Variants in CCNJ observed in about 807,000 individuals in gnomAD.
CCNJ encodes cyclin J.
CCNJ carries 12 observed loss-of-function variants against 41.4 expected under a neutral mutation model. The ratio of observed to expected loss-of-function variants is 0.29; its 90% CI spans 0.19 to 0.47. The LOEUF (loss-of-function observed/expected upper bound fraction) is 0.47, where lower values mean the gene tolerates loss of function less well. CCNJ is among the 20% of genes least tolerant of loss of function. The pLI is 1.00. For synonymous variants in CCNJ, 161 were observed against 173.4 expected (o/e 0.93, Z 0.56); for missense variants, 340 against 464.6 (o/e 0.73, Z 2.47).
At position 96,058,085 on chromosome 10, in the gene CCNJ, C is replaced by G. The variant is rs776649175; in HGVS notation, c.996C>G (p.Phe332Leu). ...CACTACAGACATGTCCTGCTGGCTT[C>G]CAAACTAGTGTTCAGGGCCTTGGGC... ...SYTLQTCPAG[F>L]QTSVQGLGHM... The change falls in exon 6 of 6, where the codon TTC becomes TTG. Residue 332 changes from phenylalanine (F) to leucine (L), a missense_variant. Around this residue, in one of 3 missense-constraint regions of CCNJ, gnomAD observed 159 missense variants for 168.2 expected, o/e 0.95. Coordinates refer to ENST00000465148, the MANE Select transcript of CCNJ (RefSeq NM_001134375.2). The G allele has an allele frequency of 7.4e-5, 119 of 1,614,070 alleles. No homozygotes were observed. The highest frequency in any genetic ancestry group is 9.9e-5 in the Non-Finnish European group (117 of 1,180,050).
Position 96,050,298 on chromosome 10 carries a change from A to C in CCNJ, c.112A>C (p.Ser38Arg), listed in dbSNP as rs2080486978. ...CTATAAAGGCCAGTCCCCTCAGTTA[A>C]GTCTCAGACGGTATTTTGCTGACTT... ...PSYKGQSPQL[S>R]LRRYFADLIA... The change falls in exon 3 of 6, where the codon AGT becomes CGT. Residue 38 changes from serine to arginine, a missense_variant. This residue lies in a region of CCNJ where 44 missense variants were observed against 43.6 expected (regional missense o/e 1.01). Coordinates refer to ENST00000465148, the MANE Select transcript of CCNJ (RefSeq NM_001134375.2). The C allele has an allele frequency of 5.6e-6, 9 of 1,614,110 alleles. No homozygotes were observed. In the East Asian group the frequency reaches 2.0e-4, roughly 36 times the overall value.
At chr10:96,048,550 C>G (rs1201691563) in intron 2 of CCNJ, among the ~76,000 whole-genome samples, 1 of 152,130 alleles carries the variant, frequency 6.6e-6, no homozygotes, top group Non-Finnish European at 1.5e-5. Flanking sequence ...AGAACTTTTT[C>G]ATCTTCCCAA....
Position 96,059,536 on chromosome 10 carries a change from AG to A in CCNJ, c.*1296del, listed in dbSNP as rs1221001730. On this transcript the variant is annotated 3_prime_UTR_variant, in exon 6 of 6. Transcript: ENST00000465148. ...GCATTTTGGAGGAATAACCTTAAAA[AG>A]TTAAAAAGTCATTGTAATAACTGAT... The A allele has an allele frequency of 2.0e-5, 3 of 152,476 alleles. No individual in the cohort carries two copies. Among genetic ancestry groups the A allele is most frequent in the African/African-American group, 7.2e-5 (3 of 41,590 alleles). The allele number at this position is 152,476 out of a possible 1,614,324, so 9.4% of individuals were successfully genotyped here.
chr10:96,054,632 T>C (rs1216167434), intron 3 of CCNJ, among the ~76,000 whole-genome samples: 1 of 152,154 alleles, frequency 6.6e-6, no homozygotes, highest in African/African-American at 2.4e-5. Flanking sequence ...AAGTGCAAAT[T>C]TGGGAATTCA....
chr10:96,060,863 C>T lies in CCNJ; in HGVS notation c.*2622C>T, dbSNP rs977981636. On this transcript the variant is annotated 3_prime_UTR_variant, in exon 6 of 6. Coordinates refer to ENST00000465148, the MANE Select transcript of CCNJ (RefSeq NM_001134375.2). ...TTAATTTTAAAATAAAACTAGTTTT[C>T]AGTAAAATGGCTTCGGTATTTTTGT... 3.3e-5 allele frequency: 5 copies of T among 152,556 alleles called. No homozygotes were observed. Among genetic ancestry groups the T allele is most frequent in the Non-Finnish European group, 7.4e-5 (5 of 68,002 alleles). The allele number at this position is 152,556 out of a possible 1,614,324, so 9.5% of individuals were successfully genotyped here. A position where few individuals can be genotyped will look rare whatever the true frequency, so the allele number is the denominator to read the frequency against.
intron 3 of CCNJ, among the ~76,000 whole-genome samples, chr10:96,056,170 G>T (rs936259117): frequency 2.0e-5 from 3 of 151,998 alleles, no homozygotes; most frequent in African/African-American, 7.2e-5. Flanking sequence ...TTAGCCAGGC[G>T]TGGTGGCGGG....
chr10:96,048,180 A>G (rs750583618), intron 2 of CCNJ, among the ~76,000 whole-genome samples: 32 of 152,282 alleles, frequency 2.1e-4, no homozygotes, highest in African/African-American at 6.0e-4. Context: ...TATCCAGTCT[A>G]TCATTGATGG....
At chr10:96,046,523 C>G (rs1040275064) in intron 2 of CCNJ, among the ~76,000 whole-genome samples, 1 of 152,186 alleles carries the variant, frequency 6.6e-6, no homozygotes, top group Non-Finnish European at 1.5e-5. Flanking sequence ...TACATGATAT[C>G]ATGCCAGGTG....
At position 96,043,589 on chromosome 10, in the gene CCNJ, G is replaced by T; in HGVS notation, c.-172G>T. On this transcript the variant is annotated 5_prime_UTR_variant, in exon 1 of 6. It removes an upstream start codon present in the reference 5' UTR. Transcript: ENST00000465148. The stretch of plus-strand genomic sequence containing the variant: ...AGCCGCCTGCCGGTCCTTTAACAAT[G>T]GGCGGCGCGAGCGTCCAGGCGCTGG... 1 of 395,266 alleles carries T rather than the reference G, an allele frequency of 2.5e-6. No homozygotes were observed. The highest frequency in any genetic ancestry group is 1.3e-4 in the South Asian group (1 of 7,826). 24.5% of individuals were successfully genotyped at this position (395,266 alleles called of 1,614,324 possible). A position where few individuals can be genotyped will look rare whatever the true frequency, so the allele number is the denominator to read the frequency against.
At chr10:96,054,848 T>G (rs1482941360) in intron 3 of CCNJ, among the ~76,000 whole-genome samples, 2 of 152,212 alleles carry the variant, frequency 1.3e-5, no homozygotes, top group African/African-American at 2.4e-5. Context: ...CAAAGGAACT[T>G]TAAGCATAAT....
chr10:96,056,916 G>GA lies in CCNJ; in HGVS notation c.497dup (p.Asp166GlufsTer12). On this transcript the variant is annotated frameshift_variant, in exon 4 of 6. Coordinates refer to ENST00000465148, the MANE Select transcript of CCNJ (RefSeq NM_001134375.2). LOFTEE classifies it high-confidence loss of function. ...AGCAGTACACGAAACAGATCTTCAT[G>GA]ACGGCTGGCCAATGATTTGCTTGGA... 6.2e-7 allele frequency: 1 copy of GA among 1,614,178 alleles called. No homozygotes were observed. Among genetic ancestry groups the GA allele is most frequent in the Non-Finnish European group, 8.5e-7 (1 of 1,180,008 alleles).
At position 96,046,909 on chromosome 10, in the gene CCNJ, T is replaced by TA. The variant is rs1387897639; in HGVS notation, c.69+2448dup. Among the ~76,000 whole-genome samples, 5 of 152,220 alleles carry TA rather than the reference T, an allele frequency of 3.3e-5. No homozygotes were observed. In the East Asian group the frequency reaches 7.7e-4, roughly 23 times the overall value. On this transcript the variant is annotated intron_variant, in intron 2 of 5. Coordinates refer to ENST00000465148, the MANE Select transcript of CCNJ (RefSeq NM_001134375.2). ...CCTTAATGACAAATGGGAACAATTC[T>TA]AGCTTTGTGAGAAACATTAAGAAAG...
chr10:96,050,567 T>A (rs1054405094), intron 3 of CCNJ, 101 bp downstream of exon 3: 2 of 813,978 alleles, frequency 2.5e-6, no homozygotes, highest in African/African-American at 3.5e-5. Flanking sequence ...TCCCATTCAT[T>A]CCAGTTCACT....
intron 3 of CCNJ, 77 bp downstream of exon 3, chr10:96,050,543 G>A: frequency 9.4e-7 from 1 of 1,062,502 alleles, no homozygotes; most frequent in Admixed American, 1.9e-5. Context: ...AGAACTCAGT[G>A]AAATATCATC....
chr10:96,050,013 A>G (rs2080478881), intron 2 of CCNJ, among the ~76,000 whole-genome samples: 1 of 152,198 alleles, frequency 6.6e-6, no homozygotes, highest in Admixed American at 6.5e-5. Context: ...CATTCTAGAA[A>G]GCAAGAAACA....
chr10:96,053,235 T>C (rs2080581467), intron 3 of CCNJ, among the ~76,000 whole-genome samples: 1 of 152,230 alleles, frequency 6.6e-6, no homozygotes, highest in Admixed American at 6.5e-5. Context: ...GCAATGACCA[T>C]AGTGATGGAT....
intron 2 of CCNJ, among the ~76,000 whole-genome samples, chr10:96,045,269 C>A (rs1175488927): frequency 1.3e-5 from 2 of 152,128 alleles, no homozygotes; most frequent in Non-Finnish European, 2.9e-5. Context: ...AAAAGAGAGA[C>A]CAGATCCAAA....
chr10:96,048,518 G>A (rs1232062652), intron 2 of CCNJ, among the ~76,000 whole-genome samples: 1 of 152,044 alleles, frequency 6.6e-6, no homozygotes. Flanking sequence ...CATTTGCATT[G>A]TTGTCACCAC....
At chr10:96,044,555 C>T (rs1195805125) in intron 2 of CCNJ, 93 bp downstream of exon 2, 3 of 993,974 alleles carry the variant, frequency 3.0e-6, no homozygotes, top group African/African-American at 3.3e-5. Context: ...AGGTTCTTTA[C>T]TCACTATCTT....
Sources: gnomAD v4.1 joint callset for allele counts (sites outside exome capture counted in the v4.1 genomes callset) on GRCh38, gnomAD v4.1.1 for gene constraint, gnomAD v4.1.1 regional missense constraint, MANE v1.5 for transcripts, NCBI Gene and HGNC (gene_info 2026-07-23, HGNC 2026-07-21) for gene names.